FKBP5: variants seen among roughly 807,000 people sequenced by gnomAD.
The protein encoded by FKBP5 is peptidyl-prolyl cis-trans isomerase FKBP5.
A neutral mutation model predicts 50.5 loss-of-function variants in FKBP5; 23 were observed. The ratio of observed to expected loss-of-function variants is 0.46; its 90% CI spans 0.33 to 0.65. The LOEUF (loss-of-function observed/expected upper bound fraction) is 0.65. Among genes scored for constraint, FKBP5 ranks in the 30% least tolerant of loss-of-function variants. FKBP5 has a pLI of 0.02. For missense variants in FKBP5, 411 were observed against 553.1 expected (o/e 0.74, Z 2.58); for synonymous variants, 176 against 190.6 (o/e 0.92, Z 0.63).
At chr6:35,624,938 C>T (rs1156524881) in intron 3 of FKBP5, among the ~76,000 whole-genome samples, 2 of 152,170 alleles carry the variant, frequency 1.3e-5, no homozygotes, top group African/African-American at 4.8e-5. Flanking sequence ...TGTGAGACCA[C>T]ACCACAGAAC....
At chr6:35,641,468 T>A (rs1219823321) in intron 2 of FKBP5, among the ~76,000 whole-genome samples, 2 of 152,210 alleles carry the variant, frequency 1.3e-5, no homozygotes, top group East Asian at 3.9e-4. Flanking sequence ...CATAATACAC[T>A]GTACTACCCA....
chr6:35,707,638 T>C (rs1766344927), intron 2 of FKBP5, among the ~76,000 whole-genome samples: 1 of 152,086 alleles, frequency 6.6e-6, no homozygotes, highest in Non-Finnish European at 1.5e-5. Flanking sequence ...ACAGGTTATT[T>C]TGTCATCCAG....
intron 3 of FKBP5, among the ~76,000 whole-genome samples, chr6:35,630,039 G>A (rs1232097233): frequency 1.3e-5 from 2 of 152,272 alleles, no homozygotes; most frequent in Admixed American, 1.3e-4. Context: ...GGGAGGCTGA[G>A]GCAGGAGGAT....
upstream of FKBP5, among the ~76,000 whole-genome samples, chr6:35,690,343 G>A (rs1008649734): frequency 1.3e-5 from 2 of 151,976 alleles, no homozygotes; most frequent in African/African-American, 2.4e-5. Flanking sequence ...GCATGGTGGC[G>A]CATGCCTGTA....
chr6:35,586,511 A>G, intron 8 of FKBP5: 1 of 989,762 alleles, frequency 1.0e-6, no homozygotes, highest in East Asian at 1.1e-4. Flanking sequence ...TCACGCCTGT[A>G]ATCTCAGCAC....
In FKBP5 at chr6:35,580,304, C is replaced by T. The variant is rs561600308; in HGVS notation, c.841-83G>A. 4.1e-5 allele frequency: 43 copies of T among 1,052,244 alleles called. No homozygotes were observed. In the East Asian group the frequency reaches 1.0e-3, roughly 24 times the overall value. The allele number at this position is 1,052,244 out of a possible 1,614,324, so 65.2% of individuals were successfully genotyped here. ...GCAAATCCTCAAAGTGAAGCAACCC[C>T]TCCAGCAAACCCTGGTACAGCTGGT... On this transcript the variant is annotated intron_variant, in intron 8 of 10. Transcript: ENST00000357266.
At chr6:35,666,394 T>TTAAAAAAAAAAAAAAAA (rs1554136779) in intron 1 of FKBP5, among the ~76,000 whole-genome samples, 2 of 33,268 alleles carry the variant, frequency 6.0e-5, no homozygotes, top group East Asian at 1.2e-3. Flanking sequence ...CTATTATAGT[T>TTAAAAAAAAAAAAAAAA]AAAAAAAAAA....
intron 1 of FKBP5, among the ~76,000 whole-genome samples, chr6:35,665,579 G>A (rs1404379988): frequency 1.3e-5 from 2 of 152,060 alleles, no homozygotes; most frequent in Admixed American, 6.5e-5. Flanking sequence ...ATGAGCCACC[G>A]TGCCTGGCCA....
chr6:35,703,455 C>T (rs1370338749), intron 2 of FKBP5, among the ~76,000 whole-genome samples: 2 of 152,062 alleles, frequency 1.3e-5, no homozygotes, highest in Non-Finnish European at 2.9e-5. Context: ...AGAAATGATA[C>T]TCAAGGTGAT....
intron 1 of FKBP5, among the ~76,000 whole-genome samples, chr6:35,682,947 C>T (rs866240330): frequency 6.7e-6 from 1 of 148,786 alleles, no homozygotes; most frequent in African/African-American, 2.5e-5. Context: ...TATATATATC[C>T]CATTTCTTTT....
At chr6:35,629,797 A>AT (rs1764099385) in intron 3 of FKBP5, among the ~76,000 whole-genome samples, 1 of 152,242 alleles carries the variant, frequency 6.6e-6, no homozygotes, top group East Asian at 1.9e-4. Context: ...AATTGGAAGC[A>AT]TTCCTCCTCT....
In FKBP5 at chr6:35,597,282, G is replaced by C. The variant is rs775091228; in HGVS notation, c.631C>G (p.Arg211Gly). The C allele has an allele frequency of 6.2e-7, 1 of 1,613,854 alleles. No individual in the cohort carries two copies. The highest frequency in any genetic ancestry group is 8.5e-7 in the Non-Finnish European group (1 of 1,179,972). ...AGATATAAAATACATTGTTCTTCCC[G>C]CTGCATTTTCTCCAGAGCTTTGTCA... ...GIDKALEKMQ[R>G]EEQCILYLGP... Residue 211 changes from arginine to glycine, a missense_variant, in exon 6 of 11, where the codon CGG (arginine) becomes GGG (glycine). Arg to Gly is a moderately radical substitution (Grantham distance 125, BLOSUM62 -2). This residue lies in a region of FKBP5 where 267 missense variants were observed against 405.9 expected (regional missense o/e 0.66). Transcript: ENST00000357266.
At chr6:35,616,587 CAA>C (rs2150975738) in intron 5 of FKBP5, among the ~76,000 whole-genome samples, 1 of 151,784 alleles carries the variant, frequency 6.6e-6, no homozygotes, top group African/African-American at 2.4e-5. Flanking sequence ...TATTTCAAAA[CAA>C]AAAGTTAAAA....
intron 1 of FKBP5, among the ~76,000 whole-genome samples, chr6:35,682,511 T>C (rs1765695101): frequency 1.3e-5 from 2 of 152,176 alleles, no homozygotes; most frequent in African/African-American, 4.8e-5. Flanking sequence ...AATCTGAAAT[T>C]TGCAACCCTG....
At chr6:35,648,214 A>G (rs1407983986) in intron 1 of FKBP5, among the ~76,000 whole-genome samples, 1 of 152,074 alleles carries the variant, frequency 6.6e-6, no homozygotes, top group Non-Finnish European at 1.5e-5. Flanking sequence ...CCCATTTTTC[A>G]TCTTTGTCTC....
chr6:35,586,211 C>A (rs898488403), intron 8 of FKBP5: 36 of 984,702 alleles, frequency 3.7e-5, no homozygotes, highest in Non-Finnish European at 4.3e-5. Flanking sequence ...GAATGAAGGG[C>A]GGTTTCTTTT....
At chr6:35,589,675 G>A (rs1189521131) in intron 7 of FKBP5, among the ~76,000 whole-genome samples, 1 of 150,992 alleles carries the variant, frequency 6.6e-6, no homozygotes, top group Non-Finnish European at 1.5e-5. Context: ...AAAGCCATAG[G>A]TCTAAATAAC....
At chr6:35,630,091 G>A (rs1322033546) in intron 3 of FKBP5, among the ~76,000 whole-genome samples, 1 of 151,822 alleles carries the variant, frequency 6.6e-6, no homozygotes, top group Non-Finnish European at 1.5e-5. Context: ...AGTTATGATG[G>A]TGCCATTGCA....
chr6:35,676,875 A>G (rs2151007835), intron 1 of FKBP5, among the ~76,000 whole-genome samples: 1 of 152,268 alleles, frequency 6.6e-6, no homozygotes, highest in East Asian at 1.9e-4. Context: ...CAGGCCCAAG[A>G]CCCCTGGAAG....
Sources: gnomAD v4.1 joint callset for allele counts (sites outside exome capture counted in the v4.1 genomes callset) on GRCh38, gnomAD v4.1.1 for gene constraint, gnomAD v4.1.1 regional missense constraint, MANE v1.5 for transcripts, NCBI Gene and HGNC (gene_info 2026-07-23, HGNC 2026-07-21) for gene names.